Variants in TTC23L observed in about 807,000 individuals in gnomAD.
TTC23L encodes the protein tetratricopeptide repeat domain 23 like, also known as tetratricopeptide repeat protein 23-like.
TTC23L carries 42 observed loss-of-function variants against 48.1 expected under a neutral mutation model. The ratio of observed to expected loss-of-function variants is 0.87; its 90% CI spans 0.68 to 1.13. The LOEUF (loss-of-function observed/expected upper bound fraction) is 1.13, where lower values mean the gene tolerates loss of function less well. Among genes scored for constraint, TTC23L ranks in the 50% most tolerant of loss-of-function variants. TTC23L has a pLI of 0.00. For synonymous variants in TTC23L, 159 were observed against 157.2 expected, an observed-to-expected ratio of 1.01 and a Z score of -0.09; for missense variants, 391 against 421.0, an observed-to-expected ratio of 0.93 and a Z score of 0.62.
At chr5:34,913,021 T>A in the TTC23L span, among the ~76,000 whole-genome samples, 1 of 152,168 alleles carries the variant, frequency 6.6e-6, no homozygotes, top group South Asian at 2.1e-4. Flanking sequence ...ACAAAATCAT[T>A]TGGCAAAATA....
rs1179100540 is a variant in TTC23L at position 34,869,030 on chromosome 5, GCCTTGAAGTTATTTC to G, written c.949+20_949+34del. 1 of 1,575,078 alleles carries G rather than the reference GCCTTGAAGTTATTTC, an allele frequency of 6.3e-7. No homozygotes were observed. ...AGCACAGGGGTAGGTAAAAGAGGTAGCCTTGAAGTTATTTCCCAGTCACATGAGGGAAGCACATTG... is the reference window on the plus strand; with the variant it reads ...AGCACAGGGGTAGGTAAAAGAGGTAGCCAGTCACATGAGGGAAGCACATTG... On this transcript the variant is annotated intron_variant, in intron 8 of 10. Coordinates refer to ENST00000505624, the Ensembl canonical transcript of TTC23L.
chr5:34,911,915 C>A, the TTC23L span: 1 of 1,296,420 alleles, frequency 7.7e-7, no homozygotes, highest in Non-Finnish European at 1.1e-6. Flanking sequence ...TTATTCCGCC[C>A]AATTTCTCAC....
intron 4 of TTC23L, among the ~76,000 whole-genome samples, chr5:34,856,891 G>A (rs1760183427): frequency 6.6e-6 from 1 of 152,236 alleles, no homozygotes; most frequent in African/African-American, 2.4e-5. Flanking sequence ...GGTTGGAGGA[G>A]AAGCCAGATC....
intron 10 of TTC23L, among the ~76,000 whole-genome samples, chr5:34,898,900 A>G (rs893413010): frequency 6.6e-6 from 1 of 152,186 alleles, no homozygotes; most frequent in African/African-American, 2.4e-5. Flanking sequence ...ATCATAATAC[A>G]TCAAATTCCT....
intron 9 of TTC23L, among the ~76,000 whole-genome samples, chr5:34,881,912 C>T (rs1762249036): frequency 6.6e-6 from 1 of 151,866 alleles, no homozygotes; most frequent in Admixed American, 6.6e-5. Context: ...TTACAGGCGC[C>T]CACCACTACA....
chr5:34,890,132 G>A (rs994314092), intron 9 of TTC23L, among the ~76,000 whole-genome samples: 3 of 152,008 alleles, frequency 2.0e-5, no homozygotes, highest in South Asian at 4.2e-4. Context: ...TTCAGGTGAT[G>A]AAACTGAAGC....
At chr5:34,855,599 C>T (rs1459916045) in intron 4 of TTC23L, among the ~76,000 whole-genome samples, 1 of 152,112 alleles carries the variant, frequency 6.6e-6, no homozygotes, top group Admixed American at 6.5e-5. Flanking sequence ...TTCTTTGCAG[C>T]ATCATTCATG....
chr5:34,908,172 T>TC, the TTC23L span: 2 of 56,288 alleles, frequency 3.6e-5, no homozygotes, highest in South Asian at 1.6e-3. Context: ...GCCTTTAGAC[T>TC]TTTTTTTTTT....
the TTC23L span, chr5:34,908,449 A>G: frequency 5.7e-6 from 1 of 175,058 alleles, no homozygotes; most frequent in African/African-American, 2.3e-5. Context: ...TGCTGGGATT[A>G]AAGCCACCAC....
At chr5:34,915,916 G>T in the TTC23L span, 1 of 1,521,804 alleles carries the variant, frequency 6.6e-7, no homozygotes, top group South Asian at 1.2e-5. Context: ...GGATGTCCCC[G>T]GGCTACACCT....
chr5:34,896,682 G>A, intron 9 of TTC23L, 88 bp from the exon 10 acceptor site: 4 of 729,512 alleles, frequency 5.5e-6, no homozygotes, highest in Middle Eastern at 4.6e-4. Context: ...TTCTGGAATA[G>A]CATTCTCAGT....
chr5:34,918,261 G>T, the TTC23L span: 1 of 585,972 alleles, frequency 1.7e-6, no homozygotes, highest in Non-Finnish European at 3.0e-6. Context: ...ACTGCAGTGA[G>T]CCGTGAGCAC....
the TTC23L span, chr5:34,908,839 T>A: frequency 3.3e-5 from 54 of 1,613,258 alleles, no homozygotes; most frequent in Non-Finnish European, 3.9e-5. Flanking sequence ...CCATCTTCAT[T>A]TCTAATCATA....
intron 7 of TTC23L, chr5:34,868,162 T>A (rs903385111): frequency 1.3e-5 from 2 of 152,306 alleles, no homozygotes; most frequent in East Asian, 3.9e-4. Context: ...TCAGCTGACA[T>A]TGTATAGCTA....
chr5:34,911,464 GATA>G, the TTC23L span: 34 of 1,458,834 alleles, frequency 2.3e-5, no homozygotes, highest in Non-Finnish European at 2.7e-5. Flanking sequence ...TAAAAATGTG[GATA>G]ATAAAAATTT....
the TTC23L span, among the ~76,000 whole-genome samples, chr5:34,912,190 G>C: frequency 2.0e-5 from 3 of 152,238 alleles, no homozygotes; most frequent in Non-Finnish European, 2.9e-5. Flanking sequence ...AAGGTTCAAT[G>C]TGTGTAACAG....
rs1760855274 is a variant in TTC23L, at chr5:34,863,822, T to C, written c.537-615T>C. 6.6e-6 allele frequency among the ~76,000 whole-genome samples: 1 copy of C among 152,212 alleles called. No individual in the cohort carries two copies. Among genetic ancestry groups the C allele is most frequent in the South Asian group, 2.1e-4 (1 of 4,826 alleles). ...TTCACGCATCATCATGAGCACTCTTTGAGCCTATGTGTCCCCAGTCTCCTC... is the reference window on the plus strand; with the variant it reads ...TTCACGCATCATCATGAGCACTCTTCGAGCCTATGTGTCCCCAGTCTCCTC... On this transcript the variant is annotated intron_variant, in intron 5 of 10. Transcript: ENST00000505624. The surrounding 1 kb of genome is among the most constrained non-coding windows in gnomAD (Gnocchi z 4.1).
downstream of TTC23L, among the ~76,000 whole-genome samples, chr5:34,903,958 ATTG>A (rs1026269584): frequency 2.0e-5 from 3 of 151,976 alleles, no homozygotes; most frequent in Non-Finnish European, 2.9e-5. Flanking sequence ...TTCAATAAAT[ATTG>A]TTATTTTTAT....
At chr5:34,874,887 T>C (rs1286715946) in intron 8 of TTC23L, among the ~76,000 whole-genome samples, 1 of 152,146 alleles carries the variant, frequency 6.6e-6, no homozygotes, top group African/African-American at 2.4e-5. Context: ...ACATCAGTGG[T>C]CTAAATAAGC....
Sources: gnomAD v4.1 joint callset for allele counts (sites outside exome capture counted in the v4.1 genomes callset) on GRCh38, gnomAD v4.1.1 for gene constraint, Gnocchi (gnomAD v3.1) non-coding constraint, MANE v1.5 for transcripts, NCBI Gene and HGNC (gene_info 2026-07-23, HGNC 2026-07-21) for gene names.